Variants in PACS2 observed in about 807,000 individuals in gnomAD.
PACS2 encodes phosphofurin acidic cluster sorting protein 2, also known as PACS1-like protein.
A neutral mutation model predicts 113.0 loss-of-function variants in PACS2; 36 were observed. The ratio of observed to expected loss-of-function variants is 0.32; its 90% CI spans 0.24 to 0.42. The LOEUF (loss-of-function observed/expected upper bound fraction) is 0.42, where lower values mean the gene tolerates loss of function less well. PACS2 is among the 10% of genes least tolerant of loss of function. The probability of loss-of-function intolerance (pLI) is 1.00; values close to 1 mark genes in which losing one functional copy is unlikely to be tolerated. For missense variants in PACS2, 1,015 were observed against 1,239.5 expected, an observed-to-expected ratio of 0.82 and a Z score of 2.72; for synonymous variants, 589 against 536.1, an observed-to-expected ratio of 1.10 and a Z score of -1.36.
At chr14:105,345,393 C>T (rs1305837090) in intron 1 of PACS2, among the ~76,000 whole-genome samples, 2 of 151,766 alleles carry the variant, frequency 1.3e-5, no homozygotes, top group Non-Finnish European at 1.5e-5. Flanking sequence ...GGCAACAGAG[C>T]GAGACTCCGT....
At chr14:105,344,614 C>T (rs76678576) in intron 1 of PACS2, among the ~76,000 whole-genome samples, 2,080 of 152,222 alleles carry the variant, frequency 0.014, 60 homozygotes, top group African/African-American at 0.048. Context: ...TGCTTTCCTT[C>T]TTTTACTTCT....
Position 105,364,365 on chromosome 14 carries a change from ACGG to A in PACS2, c.424-2847_424-2845del, listed in dbSNP as rs1566943204. Among the ~76,000 whole-genome samples the A allele has an allele frequency of 8.0e-5, 5 of 62,826 alleles. No homozygotes were observed. The South Asian group carries it at 2.7e-3, about 34-fold the overall frequency. 41.2% of individuals were successfully genotyped at this position (62,826 alleles called of 152,430 possible). On this transcript the variant is annotated intron_variant, in intron 4 of 24. Coordinates refer to ENST00000447393, the MANE Select transcript of PACS2 (RefSeq NM_001100913.3). Reference sequence around the variant, plus strand: ...GTGTGGTGGGCGGTGTCCCGGGTGCACGGTGGGCGTCCCGGGTGCGCGGTGGGC... The same window carrying A: ...GTGTGGTGGGCGGTGTCCCGGGTGCATGGGCGTCCCGGGTGCGCGGTGGGC...
At chr14:105,303,279 T>C (rs2140628683) in intron 1 of PACS2, among the ~76,000 whole-genome samples, 1 of 151,736 alleles carries the variant, frequency 6.6e-6, no homozygotes, top group Non-Finnish European at 1.5e-5. Context: ...AGTCTCGCTC[T>C]GTCACCCAGG....
chr14:105,377,449 T>C (rs1026586411), intron 9 of PACS2, among the ~76,000 whole-genome samples: 17 of 151,826 alleles, frequency 1.1e-4, no homozygotes, highest in African/African-American at 3.9e-4. Context: ...GGCAGCTCTG[T>C]GCATGGGTCT....
rs587674368 is a variant in PACS2, at chr14:105,353,422, G to GT, written c.297+956dup. On this transcript the variant is annotated intron_variant, in intron 3 of 24. Coordinates refer to ENST00000447393, the MANE Select transcript of PACS2 (RefSeq NM_001100913.3). ...GGGGTGACGGCCCCCCCTCATCACT[G>GT]TCCCCTGGGGTGATGGGCCCCCTCA... 2.5e-3 allele frequency among the ~76,000 whole-genome samples: 367 copies of GT among 144,768 alleles called. 3 individuals are homozygous for GT. Among genetic ancestry groups the GT allele is most frequent in the African/African-American group, 9.1e-3 (350 of 38,424 alleles). 95.0% of individuals were successfully genotyped at this position (144,768 alleles called of 152,430 possible). A position where few individuals can be genotyped will look rare whatever the true frequency, so the allele number is the denominator to read the frequency against.
upstream of PACS2, among the ~76,000 whole-genome samples, chr14:105,313,011 G>A (rs1314804165): frequency 1.3e-5 from 2 of 152,124 alleles, no homozygotes; most frequent in Non-Finnish European, 2.9e-5. Context: ...GAACTGTCAC[G>A]TCCCTTAAGG....
Position 105,314,910 on chromosome 14 carries a change from G to C in PACS2, c.-9G>C, listed in dbSNP as rs2058498368. ...CCCAGGCCGCCGAGGGAGCGGCGGG[G>C]CCGGCGCCATGGCCGAGCGAGGCCG... On this transcript the variant is annotated 5_prime_UTR_variant, in exon 1 of 25. Transcript: ENST00000447393. 1 of 1,006,594 alleles carries C rather than the reference G, an allele frequency of 9.9e-7. No homozygotes were observed. The highest frequency in any genetic ancestry group is 1.8e-5 in the African/African-American group (1 of 56,372). The allele number at this position is 1,006,594 out of a possible 1,614,324, so 62.4% of individuals were successfully genotyped here. A position where few individuals can be genotyped will look rare whatever the true frequency, so the allele number is the denominator to read the frequency against.
intron 4 of PACS2, among the ~76,000 whole-genome samples, chr14:105,359,576 G>T (rs1555405973): frequency 6.9e-6 from 1 of 145,352 alleles, no homozygotes; most frequent in Non-Finnish European, 1.5e-5. Flanking sequence ...CCAAAGTGTT[G>T]GTATTTCTTT....
At chr14:105,369,778 G>T in intron 7 of PACS2, 63 bp from the exon 8 acceptor site, 1 of 1,426,366 alleles carries the variant, frequency 7.0e-7, no homozygotes, top group South Asian at 1.2e-5. Context: ...CCTGAGGAAG[G>T]GGCTCCAGCG....
At chr14:105,301,922 A>G (rs1018319605) in intron 1 of PACS2, among the ~76,000 whole-genome samples, 5 of 152,194 alleles carry the variant, frequency 3.3e-5, no homozygotes, top group African/African-American at 9.6e-5. Flanking sequence ...GGATCACGTA[A>G]GGTGAGGAGT....
rs950531069 is a variant in PACS2 at position 105,355,411 on chromosome 14, C to T, written c.423+234C>T. ...GCATGGCTCCCCGCATGCCTGCAGC[C>T]GCGCGCACTCCCCTCTAACGAGCCT... On this transcript the variant is annotated intron_variant, in intron 4 of 24. Transcript: ENST00000447393. The surrounding 1 kb of genome is among the most constrained non-coding windows in gnomAD (Gnocchi z 4.1). Among the ~76,000 whole-genome samples, 2 of 152,250 alleles carry T rather than the reference C, an allele frequency of 1.3e-5. No homozygotes were observed. Among genetic ancestry groups the T allele is most frequent in the Admixed American group, 1.3e-4 (2 of 15,294 alleles).
At position 105,382,900 on chromosome 14, in the gene PACS2, C is replaced by A; in HGVS notation, c.1612C>A (p.Arg538=). 1 of 1,597,792 alleles carries A rather than the reference C, an allele frequency of 6.3e-7. No homozygotes were observed. ...GGCGGCCTTCAGCACCATCGTCTCA[C>A]GGATACAGAGATAGTGAGTTGGGCT... ...VQAAFSTIVS[R]IQRYCNCNSQ... is the part of the protein sequence containing the mutation. The change falls in exon 15 of 25, where the codon CGG becomes AGG. Residue 538 remains arginine, a synonymous_variant. Coordinates refer to ENST00000447393, the MANE Select transcript of PACS2 (RefSeq NM_001100913.3).
chr14:105,390,182 G>T (rs916612287), intron 20 of PACS2, 179 bp downstream of exon 20: 1 of 679,868 alleles, frequency 1.5e-6, no homozygotes, highest in South Asian at 1.6e-5. Flanking sequence ...CTGGAGTGGG[G>T]TGTGGGGCCA....
At chr14:105,347,910 A>G (rs1490745870) in intron 1 of PACS2, among the ~76,000 whole-genome samples, 2 of 151,892 alleles carry the variant, frequency 1.3e-5, no homozygotes, top group African/African-American at 4.8e-5. Context: ...TCCACTCCTC[A>G]GCAACAGAGC....
chr14:105,363,301 G>A (rs1159200658), intron 4 of PACS2, among the ~76,000 whole-genome samples: 1 of 152,200 alleles, frequency 6.6e-6, no homozygotes, highest in Admixed American at 6.5e-5. Context: ...GTCCTAGATG[G>A]CATCTTCTTC....
Position 105,340,988 on chromosome 14 carries a change from G to A in PACS2, c.120-7505G>A, listed in dbSNP as rs1251451702. 6.6e-6 allele frequency among the ~76,000 whole-genome samples: 1 copy of A among 152,388 alleles called. No homozygotes were observed. Reference sequence around the variant, plus strand: ...GCATGGGGAGGCTCGCTACCAAGGGGTGGGGGGCTGGAGAACGGAGCTTGG... The same window carrying A: ...GCATGGGGAGGCTCGCTACCAAGGGATGGGGGGCTGGAGAACGGAGCTTGG... On this transcript the variant is annotated intron_variant, in intron 1 of 24. Coordinates refer to ENST00000447393, the MANE Select transcript of PACS2 (RefSeq NM_001100913.3). This position sits in a 1 kb window ranked among gnomAD's most constrained non-coding sequence, Gnocchi z 4.2.
rs76837181 is a variant in PACS2 at position 105,390,254 on chromosome 14, G to A, written c.2076+251G>A. On this transcript the variant is annotated intron_variant, in intron 20 of 24. Transcript: ENST00000447393. ...TGATAAATGGAAGCAGAGACAGGTC[G>A]GTGGGGCGAGGCCTCAGAACACCCA... 105 of 538,302 alleles carry A rather than the reference G, an allele frequency of 2.0e-4. 2 individuals carry two copies. The highest frequency in any genetic ancestry group is 8.3e-4 in the South Asian group (42 of 50,470). 33.3% of individuals were successfully genotyped at this position (538,302 alleles called of 1,614,324 possible).
intron 1 of PACS2, among the ~76,000 whole-genome samples, chr14:105,304,707 C>G (rs2058130801): frequency 1.3e-5 from 2 of 152,176 alleles, no homozygotes; most frequent in Non-Finnish European, 2.9e-5. Context: ...TTTATTGGAC[C>G]TGTAGTTCCA....
Position 105,384,476 on chromosome 14 carries a change from C to T in PACS2, c.1891+13C>T, listed in dbSNP as rs369280604. 9.5e-5 allele frequency: 148 copies of T among 1,559,834 alleles called. 1 individual carries two copies. Among genetic ancestry groups the T allele is most frequent in the South Asian group, 5.5e-4 (49 of 89,596 alleles). On this transcript the variant is annotated intron_variant, in intron 17 of 24. Coordinates refer to ENST00000447393, the MANE Select transcript of PACS2 (RefSeq NM_001100913.3). ...GCCCAGAGTGCGGGTGAGGCCCGGG[C>T]GCGTCCACAGCCCACGCCACGGCGG...
Sources: gnomAD v4.1 joint callset for allele counts (sites outside exome capture counted in the v4.1 genomes callset) on GRCh38, gnomAD v4.1.1 for gene constraint, Gnocchi (gnomAD v3.1) non-coding constraint, MANE v1.5 for transcripts, NCBI Gene and HGNC (gene_info 2026-07-23, HGNC 2026-07-21) for gene names.